Variants in IL17RD observed in about 807,000 individuals in gnomAD.
IL17RD encodes interleukin 17 receptor D.
In IL17RD, 52 loss-of-function variants were observed where a neutral mutation model predicts 80.5. The ratio of observed to expected loss-of-function variants is 0.65; its 90% CI spans 0.52 to 0.81. The LOEUF (loss-of-function observed/expected upper bound fraction) is 0.81. Among genes scored for constraint, IL17RD ranks in the 40% least tolerant of loss-of-function variants. IL17RD has a pLI of 0.00. For synonymous variants in IL17RD, 416 were observed against 391.8 expected, an observed-to-expected ratio of 1.06 and a Z score of -0.73; for missense variants, 1,024 against 955.1, an observed-to-expected ratio of 1.07 and a Z score of -0.95.
Position 57,105,981 on chromosome 3 carries a change from CTGA to C in IL17RD, c.620_622del (p.Ile207del). On this transcript the variant is annotated inframe_deletion, in exon 7 of 13. Coordinates refer to ENST00000296318, the MANE Select transcript of IL17RD (RefSeq NM_017563.5). The stretch of plus-strand genomic sequence containing the variant: ...CACCTGCATGTCCGAGCCATGCTGG[CTGA>C]TGTTCAGGTTCCGAGGCTTCCAGAC... The C allele has an allele frequency of 6.2e-7, 1 of 1,613,912 alleles. No individual in the cohort carries two copies. Among genetic ancestry groups the C allele is most frequent in the Non-Finnish European group, 8.5e-7 (1 of 1,179,844 alleles).
In IL17RD at chr3:57,097,590, C is replaced by T. The variant is rs766714500; in HGVS notation, c.2107+6G>A. On this transcript the variant is annotated splice_donor_region_variant and intron_variant, in intron 12 of 12. Coordinates refer to ENST00000296318, the MANE Select transcript of IL17RD (RefSeq NM_017563.5). Reference sequence around the variant, plus strand: ...CTGTTAGGACCCGGCCCCAAAGGCACCTTACCCAGGCCTGAAGAGGAGGAC... The same window carrying T: ...CTGTTAGGACCCGGCCCCAAAGGCATCTTACCCAGGCCTGAAGAGGAGGAC... The T allele has an allele frequency of 2.6e-5, 40 of 1,565,456 alleles. No homozygotes were observed. The South Asian group carries it at 4.5e-4, about 18-fold the overall frequency.
rs1270409371 is a variant in IL17RD, at chr3:57,094,543, C to G, written c.*1850G>C. 6 of 152,126 alleles carry G rather than the reference C, an allele frequency of 3.9e-5. No individual in the cohort carries two copies. Among genetic ancestry groups the G allele is most frequent in the Admixed American group, 3.3e-4 (5 of 15,272 alleles). The allele number at this position is 152,126 out of a possible 1,614,324, so 9.4% of individuals were successfully genotyped here. On this transcript the variant is annotated 3_prime_UTR_variant, in exon 13 of 13. Coordinates refer to ENST00000296318, the MANE Select transcript of IL17RD (RefSeq NM_017563.5). ...CCACTTTCTCAGAGATGCCTTATTTCATGAACAAAGCTGAATACCCTAAAA... is the reference window on the plus strand; with the variant it reads ...CCACTTTCTCAGAGATGCCTTATTTGATGAACAAAGCTGAATACCCTAAAA...
chr3:57,154,275 T>TACACACACACACACAC (rs1406507943), intron 1 of IL17RD, among the ~76,000 whole-genome samples: 31 of 128,564 alleles, frequency 2.4e-4, no homozygotes, highest in African/African-American at 9.9e-4. Flanking sequence ...TATATATATA[T>TACACACACACACACAC]ATATATATAC....
chr3:57,104,338 A>C lies in IL17RD; in HGVS notation c.813+4T>G, dbSNP rs760993515. 6.3e-7 allele frequency: 1 copy of C among 1,596,810 alleles called. No homozygotes were observed. The highest frequency in any genetic ancestry group is 1.7e-5 in the Admixed American group (1 of 59,528). On this transcript the variant is annotated splice_donor_region_variant and intron_variant, in intron 8 of 12. Transcript: ENST00000296318. ...TTAATAGGGCTTTCTTGTGTTATGC[A>C]TACCTCAATTATATAATCCCCTGGA...
rs146776354 is a variant in IL17RD at position 57,096,433 on chromosome 3, C to T, written c.2180G>A (p.Arg727His). The T allele has an allele frequency of 2.4e-5, 39 of 1,613,796 alleles. No individual in the cohort carries two copies. The East Asian group carries it at 3.8e-4, about 16-fold the overall frequency. The change falls in exon 13 of 13, where the codon CGC (arginine) becomes CAC (histidine). Residue 727 changes from arginine to histidine, a missense_variant. Coordinates refer to ENST00000296318, the MANE Select transcript of IL17RD (RefSeq NM_017563.5). ...SGSCKADLGC[R>H]SYTDELHAVA... ...CGCGTGGAGTTCATCAGTGTAGCTG[C>T]GGCAACCAAGATCTGCTTTGCATGA...
At chr3:57,165,918 G>T (rs930771067), upstream of IL17RD, among the ~76,000 whole-genome samples, 1 of 152,022 alleles carries the variant, frequency 6.6e-6, no homozygotes, top group Non-Finnish European at 1.5e-5. Flanking sequence ...TCCTAGTCTG[G>T]GGAGAGTTCT....
intron 2 of IL17RD, 134 bp from the exon 3 acceptor site, chr3:57,114,951 C>A: frequency 3.2e-6 from 2 of 629,836 alleles, no homozygotes; most frequent in Non-Finnish European, 5.2e-6. Context: ...CCTCAAAAGC[C>A]CAAAATAAGA....
At chr3:57,105,551 AAATAT>A (rs1385928905) in intron 7 of IL17RD, among the ~76,000 whole-genome samples, 41 of 110,824 alleles carry the variant, frequency 3.7e-4, no homozygotes, top group African/African-American at 1.8e-3. Context: ...AAAAAAAAAA[AAATAT>A]ATATATATAT....
intron 5 of IL17RD, among the ~76,000 whole-genome samples, chr3:57,108,776 A>G (rs1317490523): frequency 1.3e-5 from 2 of 149,204 alleles, no homozygotes; most frequent in African/African-American, 2.5e-5. Context: ...TTGGCCTCCC[A>G]AAGTGTTGGG....
intron 5 of IL17RD, among the ~76,000 whole-genome samples, chr3:57,108,258 G>A (rs1707009488): frequency 6.6e-6 from 1 of 151,780 alleles, no homozygotes; most frequent in Non-Finnish European, 1.5e-5. Flanking sequence ...CAGGGACCAT[G>A]TTGACCAGGT....
At chr3:57,109,364 C>T (rs1707039465) in intron 5 of IL17RD, among the ~76,000 whole-genome samples, 173 bp downstream of exon 5, 1 of 152,068 alleles carries the variant, frequency 6.6e-6, no homozygotes, top group South Asian at 2.1e-4. Context: ...CCAGGCTGGT[C>T]TCGAACTCCT....
upstream of IL17RD, among the ~76,000 whole-genome samples, chr3:57,166,237 C>A (rs578035707): frequency 1.5e-4 from 23 of 152,178 alleles, no homozygotes; most frequent in African/African-American, 3.6e-4. Context: ...TCCACTACCC[C>A]CTTCCTCAAG....
chr3:57,102,623 A>T, intron 9 of IL17RD, 34 bp from the exon 10 acceptor site: 1 of 1,140,146 alleles, frequency 8.8e-7, no homozygotes, highest in Non-Finnish European at 1.3e-6. Flanking sequence ...TTTTAAACTT[A>T]AGCAGTGTAA....
In IL17RD at chr3:57,119,761, A is replaced by G. The variant is rs76498492; in HGVS notation, c.184+495T>C. Among the ~76,000 whole-genome samples the G allele has an allele frequency of 2.0e-4, 31 of 152,296 alleles. No homozygotes were observed. The East Asian group carries it at 4.1e-3, about 20-fold the overall frequency. ...TAAAAATAACTGCCATTATTAAAAA[A>G]TGTTTACACAAAAAGCACAAATTTC... On this transcript the variant is annotated intron_variant, in intron 2 of 12. Transcript: ENST00000296318.
chr3:57,104,586 T>C (rs1254874066), intron 7 of IL17RD, among the ~76,000 whole-genome samples, 179 bp from the exon 8 acceptor site: 1 of 152,178 alleles, frequency 6.6e-6, no homozygotes, highest in Non-Finnish European at 1.5e-5. Flanking sequence ...AACTTCCCTT[T>C]GATAAAAGGC....
rs1707598215 is a variant in IL17RD, at chr3:57,131,054, CG to C, written c.127-10742del. Among the ~76,000 whole-genome samples, 5 of 152,324 alleles carry C rather than the reference CG, an allele frequency of 3.3e-5. No individual in the cohort carries two copies. In the South Asian group the frequency reaches 1.0e-3, roughly 32 times the overall value. ...ACGGGGCCTCCCGGGGGGCAATCAC[CG>C]GCTGACCGGGGCAAGGCATTAGACT... On this transcript the variant is annotated intron_variant, in intron 1 of 12. Coordinates refer to ENST00000296318, the MANE Select transcript of IL17RD (RefSeq NM_017563.5).
intron 1 of IL17RD, among the ~76,000 whole-genome samples, chr3:57,145,620 A>C (rs1210064698): frequency 2.0e-5 from 3 of 152,216 alleles, no homozygotes; most frequent in African/African-American, 7.2e-5. Context: ...CCCAGGTGCA[A>C]GGGGCAAGTG....
intron 1 of IL17RD, among the ~76,000 whole-genome samples, chr3:57,120,615 G>T (rs377720963): frequency 6.6e-6 from 1 of 152,318 alleles, no homozygotes; most frequent in South Asian, 2.1e-4. Flanking sequence ...GTAAAATTGG[G>T]AGAGAGACCA....
In IL17RD at chr3:57,127,287, T is replaced by TATATATAAAAATATATATAA. The variant is rs1559476928; in HGVS notation, c.127-6975_127-6974insTTATATATATTTTTATATAT. On this transcript the variant is annotated intron_variant, in intron 1 of 12. Transcript: ENST00000296318. Reference sequence around the variant, plus strand: ...AAATATATATAAAAATATATATAAATATATATAAATATATATAAAAATATA... The same window carrying TATATATAAAAATATATATAA: ...AAATATATATAAAAATATATATAAATATATATAAAAATATATATAAATATATAAATATATATAAAAATATA... Among the ~76,000 whole-genome samples the TATATATAAAAATATATATAA allele has an allele frequency of 3.8e-5, 3 of 79,114 alleles. No individual in the cohort carries two copies. In the East Asian group the frequency reaches 1.4e-3, roughly 37 times the overall value. The allele number at this position is 79,114 out of a possible 152,430, so 51.9% of individuals were successfully genotyped here.
Sources: gnomAD v4.1 joint callset for allele counts (sites outside exome capture counted in the v4.1 genomes callset) on GRCh38, gnomAD v4.1.1 for gene constraint, MANE v1.5 for transcripts, NCBI Gene and HGNC (gene_info 2026-07-23, HGNC 2026-07-21) for gene names.